FHOD3: variants seen among roughly 807,000 people sequenced by gnomAD.
FHOD3 encodes formin homology 2 domain containing 3, also known as FH1/FH2 domain-containing protein 3.
FHOD3 carries 90 observed loss-of-function variants against 173.0 expected under a neutral mutation model. The ratio of observed to expected loss-of-function variants is 0.52; its 90% CI spans 0.44 to 0.62. The LOEUF (loss-of-function observed/expected upper bound fraction) is 0.62, where lower values mean the gene tolerates loss of function less well. Ranked by LOEUF, FHOD3 falls within the 20% of genes least tolerant of loss-of-function variation. FHOD3 has a pLI of 0.00. For missense variants in FHOD3, 1,945 were observed against 2,034.7 expected (o/e 0.96, Z 0.85); for synonymous variants, 828 against 823.0 (o/e 1.01, Z -0.10).
chr18:36,570,767 C>T (rs2058424190), intron 5 of FHOD3, among the ~76,000 whole-genome samples: 1 of 152,060 alleles, frequency 6.6e-6, no homozygotes, highest in Non-Finnish European at 1.5e-5. Flanking sequence ...GAAGAAAAAA[C>T]ACAATCATAT....
chr18:36,308,656 C>T (rs956333918), intron 1 of FHOD3, among the ~76,000 whole-genome samples: 3 of 152,224 alleles, frequency 2.0e-5, no homozygotes, highest in Non-Finnish European at 4.4e-5. Flanking sequence ...TCACTTCATC[C>T]TGTGGCTGCG....
At chr18:36,740,156 A>G (rs900589988) in intron 20 of FHOD3, among the ~76,000 whole-genome samples, 3 of 152,320 alleles carry the variant, frequency 2.0e-5, no homozygotes, top group Middle Eastern at 3.4e-3. Context: ...ATTAGCTTGT[A>G]TTTATGGATA....
intron 5 of FHOD3, among the ~76,000 whole-genome samples, chr18:36,563,730 TG>T (rs1228382510): frequency 1.3e-5 from 2 of 152,194 alleles, no homozygotes; most frequent in African/African-American, 4.8e-5. Flanking sequence ...GGAACTATTC[TG>T]GTATCTTTTC....
At chr18:36,637,766 A>G (rs777463357) in intron 10 of FHOD3, among the ~76,000 whole-genome samples, 26 of 152,198 alleles carry the variant, frequency 1.7e-4, no homozygotes, top group Non-Finnish European at 3.1e-4. Flanking sequence ...ATCCTTGAGG[A>G]GACCCTCCAG....
At chr18:36,555,858 C>A (rs1172713436) in intron 5 of FHOD3, among the ~76,000 whole-genome samples, 1 of 152,032 alleles carries the variant, frequency 6.6e-6, no homozygotes, top group Non-Finnish European at 1.5e-5. Flanking sequence ...ACAGTCATTC[C>A]AACTTTCTTT....
chr18:36,435,375 A>C lies in FHOD3; in HGVS notation c.337+62631A>C, dbSNP rs2050759066. 3.3e-5 allele frequency among the ~76,000 whole-genome samples: 5 copies of C among 152,120 alleles called. No individual in the cohort carries two copies. In the South Asian group the frequency reaches 8.3e-4, roughly 25 times the overall value. ...ATTTACATGTAAAACAAATTATTGA[A>C]AACAAAAATAATTCTTTGAAAGAAA... On this transcript the variant is annotated intron_variant, in intron 3 of 28. Coordinates refer to ENST00000590592, the MANE Select transcript of FHOD3 (RefSeq NM_001281740.3).
At position 36,326,502 on chromosome 18, in the gene FHOD3, C is replaced by CGTG. The variant is rs1251743364; in HGVS notation, c.165+28502_165+28503insGTG. On this transcript the variant is annotated intron_variant, in intron 1 of 28. Transcript: ENST00000590592. ...GTACTTCAGGTCAGGCGCGGTTGCTCACGCCTTGTAATCCCAGCACTTTGG... is the reference window on the plus strand; with the variant it reads ...GTACTTCAGGTCAGGCGCGGTTGCTCGTGACGCCTTGTAATCCCAGCACTTTGG... Among the ~76,000 whole-genome samples, 373 of 152,300 alleles carry CGTG rather than the reference C, an allele frequency of 2.4e-3. 3 individuals are homozygous for CGTG. The highest frequency in any genetic ancestry group is 8.6e-3 in the African/African-American group (357 of 41,570).
intron 9 of FHOD3, among the ~76,000 whole-genome samples, chr18:36,617,786 A>AAT (rs1404144501): frequency 6.6e-6 from 1 of 152,086 alleles, no homozygotes; most frequent in Non-Finnish European, 1.5e-5. Flanking sequence ...TGTGATGTTA[A>AAT]ATATATATGT....
chr18:36,551,169 TTTTG>T (rs1473353866), intron 5 of FHOD3, among the ~76,000 whole-genome samples: 2 of 152,240 alleles, frequency 1.3e-5, no homozygotes, highest in African/African-American at 4.8e-5. Flanking sequence ...AATGATCATT[TTTTG>T]TTTGTTGATA....
At chr18:36,562,137 C>T (rs1345337933) in intron 5 of FHOD3, among the ~76,000 whole-genome samples, 1 of 152,148 alleles carries the variant, frequency 6.6e-6, no homozygotes, top group African/African-American at 2.4e-5. Context: ...CTGCCTCAGC[C>T]TCCCAAGTAG....
At chr18:36,551,051 T>C (rs937556182) in intron 5 of FHOD3, among the ~76,000 whole-genome samples, 9 of 152,092 alleles carry the variant, frequency 5.9e-5, no homozygotes, top group African/African-American at 1.9e-4. Flanking sequence ...TCTGCAGGGG[T>C]TTTTGAGATG....
chr18:36,632,626 A>G (rs1033288488), intron 10 of FHOD3, among the ~76,000 whole-genome samples: 1 of 152,222 alleles, frequency 6.6e-6, no homozygotes, highest in East Asian at 1.9e-4. Flanking sequence ...TGTGGCTTTT[A>G]GGCATCATGC....
intron 6 of FHOD3, among the ~76,000 whole-genome samples, chr18:36,592,533 T>C (rs1462085626): frequency 6.6e-6 from 1 of 152,228 alleles, no homozygotes; most frequent in East Asian, 1.9e-4. Context: ...GAAAGCCTGC[T>C]GGGACAGGCA....
chr18:36,515,532 G>A (rs2055922887), intron 5 of FHOD3, among the ~76,000 whole-genome samples: 1 of 152,162 alleles, frequency 6.6e-6, no homozygotes, highest in Non-Finnish European at 1.5e-5. Context: ...CATTTATTTT[G>A]CAGTGTTCTG....
At chr18:36,545,097 ACCCT>A (rs2057363359) in intron 5 of FHOD3, among the ~76,000 whole-genome samples, 1 of 151,652 alleles carries the variant, frequency 6.6e-6, no homozygotes, top group Non-Finnish European at 1.5e-5. Context: ...ATCCATGCTC[ACCCT>A]CCCTCCCTCT....
chr18:36,421,622 G>C (rs953753615), intron 3 of FHOD3, among the ~76,000 whole-genome samples: 1 of 152,220 alleles, frequency 6.6e-6, no homozygotes, highest in African/African-American at 2.4e-5. Context: ...AATGTATAAA[G>C]GTAGCTCTGG....
Position 36,512,421 on chromosome 18 carries a change from G to A in FHOD3, c.406-17G>A. ...CAGGGACAGTATTTGAAGTATTTTT[G>A]TTTTCTTTCCTGCCAGGATGACAAG... On this transcript the variant is annotated splice_polypyrimidine_tract_variant and intron_variant, in intron 4 of 28. Transcript: ENST00000590592. 1 of 1,599,472 alleles carries A rather than the reference G, an allele frequency of 6.3e-7. No individual in the cohort carries two copies. The highest frequency in any genetic ancestry group is 8.6e-7 in the Non-Finnish European group (1 of 1,167,636).
chr18:36,417,964 A>T (rs1330412146), intron 3 of FHOD3, among the ~76,000 whole-genome samples: 3 of 152,230 alleles, frequency 2.0e-5, no homozygotes, highest in Admixed American at 6.5e-5. Context: ...AATTGTTACC[A>T]CTAATTTAAG....
At chr18:36,387,448 G>T (rs931454162) in intron 3 of FHOD3, among the ~76,000 whole-genome samples, 4 of 152,182 alleles carry the variant, frequency 2.6e-5, no homozygotes, top group African/African-American at 9.6e-5. Flanking sequence ...AAGCTTGAAA[G>T]CATCACTATC....
Sources: gnomAD v4.1 joint callset for allele counts (sites outside exome capture counted in the v4.1 genomes callset) on GRCh38, gnomAD v4.1.1 for gene constraint, MANE v1.5 for transcripts, NCBI Gene and HGNC (gene_info 2026-07-23, HGNC 2026-07-21) for gene names.